Variants in NKAIN2 observed in about 807,000 individuals in gnomAD.
NKAIN2 encodes sodium/potassium transporting ATPase interacting 2.
NKAIN2 carries 14 observed loss-of-function variants against 32.6 expected under a neutral mutation model. The observed-to-expected ratio is 0.43, with a 90% CI of 0.28 to 0.67. The LOEUF is 0.67. Ranked by LOEUF, NKAIN2 falls within the 30% of genes least tolerant of loss-of-function variation. The pLI is 0.17. For synonymous variants in NKAIN2, 80 were observed against 87.2 expected (o/e 0.92, Z 0.46); for missense variants, 198 against 258.3 (o/e 0.77, Z 1.60).
chr6:124,413,936 T>C (rs506292), intron 3 of NKAIN2, among the ~76,000 whole-genome samples: 118,274 of 151,966 alleles, frequency 0.78, 46,200 homozygotes, highest in East Asian at 0.84. Flanking sequence ...TTTGTAGATC[T>C]ATGGGATTTT....
At chr6:124,741,966 A>G (rs1208093733) in intron 4 of NKAIN2, among the ~76,000 whole-genome samples, 1 of 151,852 alleles carries the variant, frequency 6.6e-6, no homozygotes, top group Non-Finnish European at 1.5e-5. Context: ...TTATTTAACA[A>G]CGAAACAATG....
chr6:124,420,507 G>A (rs1004806116), intron 3 of NKAIN2, among the ~76,000 whole-genome samples: 7 of 152,114 alleles, frequency 4.6e-5, no homozygotes, highest in African/African-American at 1.7e-4. Context: ...TAAAGCTATA[G>A]GGTGATTTCT....
At chr6:123,944,448 C>A (rs969896253) in intron 1 of NKAIN2, among the ~76,000 whole-genome samples, 2 of 152,006 alleles carry the variant, frequency 1.3e-5, no homozygotes, top group African/African-American at 4.8e-5. Context: ...TCATGTGTAG[C>A]CTTCTATTTT....
chr6:124,259,774 T>C (rs1276585799), intron 1 of NKAIN2, among the ~76,000 whole-genome samples: 1 of 151,942 alleles, frequency 6.6e-6, no homozygotes, highest in Admixed American at 6.5e-5. Flanking sequence ...ATGGTGGTTC[T>C]TGGCTATCTA....
At chr6:124,710,070 G>A (rs1775356977) in intron 4 of NKAIN2, among the ~76,000 whole-genome samples, 1 of 151,796 alleles carries the variant, frequency 6.6e-6, no homozygotes, top group Non-Finnish European at 1.5e-5. Flanking sequence ...CTTTATTTCT[G>A]CCTTCATTTT....
intron 1 of NKAIN2, among the ~76,000 whole-genome samples, chr6:123,878,263 A>G (rs1321171096): frequency 2.6e-5 from 4 of 152,168 alleles, no homozygotes; most frequent in Non-Finnish European, 5.9e-5. Flanking sequence ...TTTTCTAGAA[A>G]AATACATAAT....
chr6:124,085,099 T>C (rs1269299159), intron 1 of NKAIN2, among the ~76,000 whole-genome samples: 1 of 152,064 alleles, frequency 6.6e-6, no homozygotes, highest in African/African-American at 2.4e-5. Flanking sequence ...GTGTCATCCT[T>C]AATGATGTGA....
chr6:124,305,160 T>A (rs1796458971), intron 2 of NKAIN2, among the ~76,000 whole-genome samples: 1 of 152,170 alleles, frequency 6.6e-6, no homozygotes, highest in Admixed American at 6.5e-5. Flanking sequence ...AAAAAATTAA[T>A]CTATTTAAAT....
chr6:124,064,875 T>C (rs1474000053), intron 1 of NKAIN2, among the ~76,000 whole-genome samples: 1 of 152,176 alleles, frequency 6.6e-6, no homozygotes, highest in Non-Finnish European at 1.5e-5. Flanking sequence ...GTTGCACCTG[T>C]GACTTTGGTT....
At chr6:124,500,533 G>A (rs1451391332) in intron 3 of NKAIN2, among the ~76,000 whole-genome samples, 1 of 151,742 alleles carries the variant, frequency 6.6e-6, no homozygotes, top group Non-Finnish European at 1.5e-5. Flanking sequence ...TCATGGCTGT[G>A]GTCTCAGCTA....
intron 1 of NKAIN2, among the ~76,000 whole-genome samples, chr6:124,014,579 G>A (rs1020456190): frequency 2.0e-5 from 3 of 151,552 alleles, no homozygotes; most frequent in Non-Finnish European, 4.4e-5. Context: ...TACTATCTAG[G>A]AGTCTATGCT....
At chr6:124,551,376 G>A (rs186586961) in intron 3 of NKAIN2, among the ~76,000 whole-genome samples, 25 of 152,222 alleles carry the variant, frequency 1.6e-4, no homozygotes, top group African/African-American at 4.3e-4. Flanking sequence ...CCTTTAAATC[G>A]AGTCCACACC....
At chr6:124,241,466 G>A (rs535398251) in intron 1 of NKAIN2, among the ~76,000 whole-genome samples, 1 of 152,242 alleles carries the variant, frequency 6.6e-6, no homozygotes, top group African/African-American at 2.4e-5. Flanking sequence ...CAAAGCTGGA[G>A]GCATCACGCT....
At chr6:124,329,220 G>T (rs1797551370) in intron 2 of NKAIN2, among the ~76,000 whole-genome samples, 1 of 152,196 alleles carries the variant, frequency 6.6e-6, no homozygotes, top group South Asian at 2.1e-4. Flanking sequence ...CTGTCAAGTT[G>T]TGGCAACTGC....
At chr6:124,349,295 C>T (rs117397529) in intron 2 of NKAIN2, among the ~76,000 whole-genome samples, 1 of 152,024 alleles carries the variant, frequency 6.6e-6, no homozygotes, top group African/African-American at 2.4e-5. Flanking sequence ...AGCCTGCTCC[C>T]CCCTACAAAG....
intron 2 of NKAIN2, among the ~76,000 whole-genome samples, chr6:124,325,085 T>G (rs1012698279): frequency 6.6e-6 from 1 of 152,084 alleles, no homozygotes; most frequent in African/African-American, 2.4e-5. Context: ...AAAGAGCCAA[T>G]TCATGAAAAA....
intron 1 of NKAIN2, among the ~76,000 whole-genome samples, chr6:123,893,002 A>G (rs1774094770): frequency 6.6e-6 from 1 of 151,858 alleles, no homozygotes; most frequent in Non-Finnish European, 1.5e-5. Flanking sequence ...AAGTAACTAA[A>G]TGAATTTTAA....
intron 1 of NKAIN2, among the ~76,000 whole-genome samples, chr6:123,875,415 A>C (rs1462228883): frequency 6.6e-6 from 1 of 151,962 alleles, no homozygotes; most frequent in Non-Finnish European, 1.5e-5. Flanking sequence ...ATTATTGGTG[A>C]GGTTAAACAT....
chr6:123,804,227 G>C lies in NKAIN2; in HGVS notation c.27G>C (p.Thr9=), dbSNP rs370006401. The stretch of plus-strand genomic sequence containing the variant: ...TGGGTTATTGCAGTGGCAGGTGCAC[G>C]CTTATCTTTATCTGTGGCATGCAAC... MGYCSGRC[T]LIFICGMQLV... Residue 9 remains threonine (T), a synonymous_variant, in exon 1 of 7, where the codon ACG becomes ACC. Transcript: ENST00000368417. 6.2e-7 allele frequency: 1 copy of C among 1,613,902 alleles called. No homozygotes were observed. The highest frequency in any genetic ancestry group is 8.5e-7 in the Non-Finnish European group (1 of 1,179,942).
Sources: allele counts gnomAD v4.1 joint callset (sites outside exome capture counted in the v4.1 genomes callset), GRCh38; gene constraint gnomAD v4.1.1; transcripts MANE v1.5; gene names NCBI Gene and HGNC (gene_info 2026-07-23, HGNC 2026-07-21).